ROR2: variants seen among roughly 807,000 people sequenced by gnomAD.
ROR2 encodes the protein ROR family WNT receptor 2.
ROR2 carries 33 observed loss-of-function variants against 74.9 expected under a neutral mutation model. The ratio of observed to expected loss-of-function variants is 0.44; its 90% CI spans 0.33 to 0.59. ROR2 has a LOEUF of 0.59. ROR2 is among the 20% of genes least tolerant of loss of function. The pLI is 0.02. For synonymous variants in ROR2, 586 were observed against 558.7 expected, an observed-to-expected ratio of 1.05 and a Z score of -0.69; for missense variants, 1,216 against 1,313.8, an observed-to-expected ratio of 0.93 and a Z score of 1.15.
chr9:91,919,783 G>C (rs1221133520), intron 1 of ROR2, among the ~76,000 whole-genome samples: 1 of 152,072 alleles, frequency 6.6e-6, no homozygotes, highest in Non-Finnish European at 1.5e-5. Flanking sequence ...CAGCCTGGCC[G>C]ATCTCACACT....
chr9:91,754,518 A>G (rs964415592), intron 4 of ROR2, among the ~76,000 whole-genome samples: 2 of 151,954 alleles, frequency 1.3e-5, no homozygotes, highest in South Asian at 2.1e-4. Flanking sequence ...TTAGCCGGGC[A>G]TGGTGGTGCG....
At chr9:91,850,395 C>A (rs1259817033) in intron 1 of ROR2, among the ~76,000 whole-genome samples, 2 of 149,034 alleles carry the variant, frequency 1.3e-5, no homozygotes, top group Non-Finnish European at 3.0e-5. Context: ...AATTAAGAAT[C>A]CTGAGATGAA....
At chr9:91,906,951 C>T (rs188338189) in intron 1 of ROR2, among the ~76,000 whole-genome samples, 53 of 152,224 alleles carry the variant, frequency 3.5e-4, no homozygotes, top group Middle Eastern at 3.4e-3. Context: ...GGTTTGGTGG[C>T]GGTGGGAACA....
intron 1 of ROR2, among the ~76,000 whole-genome samples, chr9:91,787,561 A>G (rs185910744): frequency 1.3e-5 from 2 of 152,314 alleles, no homozygotes; most frequent in Non-Finnish European, 2.9e-5. Flanking sequence ...AAATTAGCAG[A>G]TAACTCAGTG....
At chr9:91,856,566 G>C (rs1256010983) in intron 1 of ROR2, among the ~76,000 whole-genome samples, 1 of 152,192 alleles carries the variant, frequency 6.6e-6, no homozygotes, top group Non-Finnish European at 1.5e-5. Flanking sequence ...GACACACACA[G>C]AGGGACGACC....
chr9:91,928,583 G>A (rs1005374525), intron 1 of ROR2, among the ~76,000 whole-genome samples: 1 of 152,204 alleles, frequency 6.6e-6, no homozygotes, highest in Admixed American at 6.5e-5. Flanking sequence ...TGCCCCAGAT[G>A]AATCCAGATT....
At chr9:91,745,019 C>T (rs968546322) in intron 4 of ROR2, among the ~76,000 whole-genome samples, 5 of 152,182 alleles carry the variant, frequency 3.3e-5, no homozygotes, top group Non-Finnish European at 7.3e-5. Flanking sequence ...CAACCTAAAG[C>T]GGCATTCCAT....
intron 1 of ROR2, among the ~76,000 whole-genome samples, chr9:91,888,975 C>A (rs934680104): frequency 2.7e-5 from 4 of 146,856 alleles, no homozygotes; most frequent in African/African-American, 1.0e-4. Flanking sequence ...CCCATTTTTT[C>A]TTTGCTTTCT....
At chr9:91,873,448 G>A (rs748298217) in intron 1 of ROR2, among the ~76,000 whole-genome samples, 117 of 152,234 alleles carry the variant, frequency 7.7e-4, no homozygotes, top group Admixed American at 2.4e-3. Flanking sequence ...AATTAGCCAG[G>A]CATATGGTGG....
At chr9:91,747,423 T>C (rs1587681283) in intron 4 of ROR2, among the ~76,000 whole-genome samples, 1 of 152,340 alleles carries the variant, frequency 6.6e-6, no homozygotes, top group East Asian at 1.9e-4. Flanking sequence ...GTGGAAGGCC[T>C]GAGTTAGCAA....
At chr9:91,838,952 A>T (rs1321082207) in intron 1 of ROR2, among the ~76,000 whole-genome samples, 1 of 152,206 alleles carries the variant, frequency 6.6e-6, no homozygotes, top group Non-Finnish European at 1.5e-5. Flanking sequence ...AGGGAGAATT[A>T]GATAAATTTC....
intron 1 of ROR2, among the ~76,000 whole-genome samples, chr9:91,889,745 T>G (rs907860685): frequency 6.6e-6 from 1 of 152,212 alleles, no homozygotes; most frequent in African/African-American, 2.4e-5. Flanking sequence ...CAGGAATTTC[T>G]TGAAGTCCAA....
chr9:91,844,250 A>G (rs1022985349), intron 1 of ROR2, among the ~76,000 whole-genome samples: 6 of 152,200 alleles, frequency 3.9e-5, no homozygotes, highest in Non-Finnish European at 7.3e-5. Flanking sequence ...TCTAGCTACC[A>G]GTTTCAGGTC....
chr9:91,891,931 C>T (rs1254297056), intron 1 of ROR2, among the ~76,000 whole-genome samples: 1 of 151,848 alleles, frequency 6.6e-6, no homozygotes, highest in African/African-American at 2.4e-5. Context: ...ACCTGTAGTC[C>T]CAGCTACTTA....
chr9:91,937,695 A>T (rs1831738756), intron 1 of ROR2, among the ~76,000 whole-genome samples: 1 of 152,110 alleles, frequency 6.6e-6, no homozygotes, highest in African/African-American at 2.4e-5. Context: ...AGCACAGGAG[A>T]GACAGGCAAA....
At position 91,950,060 on chromosome 9, in the gene ROR2, T is replaced by C. The variant is rs1367279443; in HGVS notation, c.-97A>G. 6 of 540,924 alleles carry C rather than the reference T, an allele frequency of 1.1e-5. No homozygotes were observed. Among genetic ancestry groups the C allele is most frequent in the East Asian group, 3.6e-5 (1 of 27,416 alleles). 33.5% of individuals were successfully genotyped at this position (540,924 alleles called of 1,614,324 possible). The stretch of plus-strand genomic sequence containing the variant: ...TTTCTACGATGCGTCCGCTCCTCCT[T>C]CTCCCTGGCGCTTCGCAAACGGGTC... On this transcript the variant is annotated 5_prime_UTR_variant, in exon 1 of 9. Coordinates refer to ENST00000375708, the MANE Select transcript of ROR2 (RefSeq NM_004560.4).
At chr9:91,762,342 G>A (rs1427025359) in intron 2 of ROR2, among the ~76,000 whole-genome samples, 1 of 152,168 alleles carries the variant, frequency 6.6e-6, no homozygotes, top group South Asian at 2.1e-4. Context: ...AACAGTTTCT[G>A]AGTTGATTGC....
In ROR2 at chr9:91,949,858, A is replaced by G. The variant is rs748883847; in HGVS notation, c.97+9T>C. ...CCGTCTGCGCACAAGCCGGAACGCCAGATCCTACCTGAAGTCCGGGACACT... is the reference window on the plus strand; with the variant it reads ...CCGTCTGCGCACAAGCCGGAACGCCGGATCCTACCTGAAGTCCGGGACACT... On this transcript the variant is annotated intron_variant, in intron 1 of 8. Coordinates refer to ENST00000375708, the MANE Select transcript of ROR2 (RefSeq NM_004560.4). 15 of 1,520,366 alleles carry G rather than the reference A, an allele frequency of 9.9e-6. No homozygotes were observed. The South Asian group carries it at 1.8e-4, about 18-fold the overall frequency. 94.2% of individuals were successfully genotyped at this position (1,520,366 alleles called of 1,614,324 possible). A position where few individuals can be genotyped will look rare whatever the true frequency, so the allele number is the denominator to read the frequency against.
At chr9:91,943,253 CCTTT>C (rs1317528504) in intron 1 of ROR2, among the ~76,000 whole-genome samples, 1 of 152,124 alleles carries the variant, frequency 6.6e-6, no homozygotes, top group African/African-American at 2.4e-5. Context: ...TTCTCTAGCT[CCTTT>C]AAGATGCAAC....
Sources: allele counts gnomAD v4.1 joint callset (sites outside exome capture counted in the v4.1 genomes callset), GRCh38; gene constraint gnomAD v4.1.1; transcripts MANE v1.5; gene names NCBI Gene and HGNC (gene_info 2026-07-23, HGNC 2026-07-21).